The following CFAP90 variants were observed in gnomAD, a reference collection of about 807,000 sequenced individuals.
CFAP90 encodes the protein cilia- and flagella-associated protein 90.
chr5:7,833,057 C>T, the CFAP90 span, among the ~76,000 whole-genome samples: 1 of 152,122 alleles, frequency 6.6e-6, no homozygotes, highest in Admixed American at 6.5e-5. Flanking sequence ...TTGTTTTATC[C>T]GTTGAAGGGA....
At chr5:7,838,893 A>G in the CFAP90 span, among the ~76,000 whole-genome samples, 1 of 152,156 alleles carries the variant, frequency 6.6e-6, no homozygotes, top group South Asian at 2.1e-4. Context: ...CAAACCCTAT[A>G]ATGCTCCCTG....
At chr5:7,832,796 C>A in the CFAP90 span, among the ~76,000 whole-genome samples, 5 of 152,196 alleles carry the variant, frequency 3.3e-5, 1 homozygote, top group South Asian at 2.1e-4. Flanking sequence ...CCCATGATTT[C>A]TTTGCCTTTT....
At chr5:7,845,739 C>G in the CFAP90 span, among the ~76,000 whole-genome samples, 1 of 152,036 alleles carries the variant, frequency 6.6e-6, no homozygotes, top group South Asian at 2.1e-4. Flanking sequence ...GGGCAAAGCC[C>G]ACGCTACTAG....
chr5:7,831,853 G>A, the CFAP90 span: 2 of 1,611,758 alleles, frequency 1.2e-6, no homozygotes, highest in African/African-American at 2.7e-5. Context: ...GGATGCTTCA[G>A]GATGGAGCAA....
the CFAP90 span, among the ~76,000 whole-genome samples, chr5:7,849,942 G>C: frequency 0.33 from 50,739 of 151,826 alleles, 8,846 homozygotes; most frequent in Admixed American, 0.46. Context: ...CCCGCTGGGC[G>C]GCCCCGGCTT....
the CFAP90 span, chr5:7,830,415 T>A: frequency 6.6e-6 from 1 of 152,230 alleles, no homozygotes; most frequent in Non-Finnish European, 1.5e-5. Flanking sequence ...CACTTACAGA[T>A]GCCTTGTCTT....
At chr5:7,836,257 C>G in the CFAP90 span, among the ~76,000 whole-genome samples, 3 of 152,180 alleles carry the variant, frequency 2.0e-5, no homozygotes, top group Admixed American at 1.3e-4. Context: ...TTCTACTTGT[C>G]TTGTGTTCTC....
chr5:7,850,604 C>T, the CFAP90 span, among the ~76,000 whole-genome samples: 1 of 128,372 alleles, frequency 7.8e-6, no homozygotes, highest in East Asian at 2.5e-4. Flanking sequence ...CGCCCCCAGG[C>T]CCCCTCCCCT....
chr5:7,831,973 AT>A, the CFAP90 span: 1 of 1,614,056 alleles, frequency 6.2e-7, no homozygotes, highest in Non-Finnish European at 8.5e-7. Context: ...CAATGGGCTG[AT>A]TGATGCGCTT....
chr5:7,830,857 A>G, the CFAP90 span: 1 of 152,162 alleles, frequency 6.6e-6, no homozygotes, highest in East Asian at 1.9e-4. Context: ...TACTTGGGTA[A>G]GTTTCAAATT....
the CFAP90 span, among the ~76,000 whole-genome samples, chr5:7,848,048 G>C: frequency 6.6e-6 from 1 of 152,168 alleles, no homozygotes; most frequent in Admixed American, 6.5e-5. Flanking sequence ...TATCTCATGC[G>C]GTGCATTACT....
At chr5:7,848,518 T>C in the CFAP90 span, among the ~76,000 whole-genome samples, 2 of 152,124 alleles carry the variant, frequency 1.3e-5, no homozygotes, top group African/African-American at 2.4e-5. Flanking sequence ...GCACCAGAAG[T>C]ATGGAATCAA....
At chr5:7,844,862 G>T in the CFAP90 span, among the ~76,000 whole-genome samples, 1 of 152,160 alleles carries the variant, frequency 6.6e-6, no homozygotes, top group African/African-American at 2.4e-5. Flanking sequence ...ACCTGGGGAG[G>T]CTCATATTGA....
the CFAP90 span, among the ~76,000 whole-genome samples, chr5:7,844,819 G>T: frequency 6.6e-6 from 1 of 152,140 alleles, no homozygotes; most frequent in African/African-American, 2.4e-5. Context: ...AAAGGTGCTT[G>T]GTTCCTAAGC....
At chr5:7,835,369 G>A in the CFAP90 span, 6 of 1,420,700 alleles carry the variant, frequency 4.2e-6, no homozygotes, top group South Asian at 1.2e-5. Context: ...TTAATATTCT[G>A]TCTTAATATT....
the CFAP90 span, among the ~76,000 whole-genome samples, chr5:7,832,578 C>G: frequency 3.3e-5 from 5 of 152,158 alleles, no homozygotes; most frequent in African/African-American, 9.7e-5. Flanking sequence ...ACCTCTGCCT[C>G]CCAGGTTCAA....
chr5:7,844,816 C>G, the CFAP90 span, among the ~76,000 whole-genome samples: 1 of 152,110 alleles, frequency 6.6e-6, no homozygotes, highest in Non-Finnish European at 1.5e-5. Flanking sequence ...GGTAAAGGTG[C>G]TTGGTTCCTA....
At chr5:7,850,369 C>T in the CFAP90 span, among the ~76,000 whole-genome samples, 2 of 151,718 alleles carry the variant, frequency 1.3e-5, no homozygotes, top group Non-Finnish European at 2.9e-5. Flanking sequence ...AGGGTCCCTG[C>T]CCGAAGGTGC....
the CFAP90 span, among the ~76,000 whole-genome samples, chr5:7,838,053 C>T: frequency 1.3e-5 from 2 of 152,190 alleles, no homozygotes; most frequent in Non-Finnish European, 2.9e-5. Flanking sequence ...GGCAACCTAC[C>T]CTATAGCTAT....
Sources: allele counts gnomAD v4.1 joint callset (sites outside exome capture counted in the v4.1 genomes callset), GRCh38; gene constraint gnomAD v4.1.1; transcripts MANE v1.5; gene names NCBI Gene and HGNC (gene_info 2026-07-23, HGNC 2026-07-21).